The following VSTM1 variants were observed in gnomAD, a reference collection of about 807,000 sequenced individuals.
VSTM1 encodes V-set and transmembrane domain-containing protein 1.
In VSTM1, 27 loss-of-function variants were observed where a neutral mutation model predicts 33.1. The observed-to-expected ratio is 0.82, with a 90% CI of 0.60 to 1.12. The LOEUF is 1.12. VSTM1 is among the 50% of genes most tolerant of loss of function. VSTM1 has a pLI of 0.00. For synonymous variants in VSTM1, 115 were observed against 110.3 expected, an observed-to-expected ratio of 1.04 and a Z score of -0.27; for missense variants, 304 against 288.9, an observed-to-expected ratio of 1.05 and a Z score of -0.38.
At chr19:54,051,345 T>G (rs2070832656) in intron 4 of VSTM1, 65 bp downstream of exon 4, 1 of 1,369,428 alleles carries the variant, frequency 7.3e-7, no homozygotes, top group Non-Finnish European at 1.0e-6. Flanking sequence ...CCTTGTGCAC[T>G]TTAAGCAAAG....
At chr19:54,062,439 A>G (rs1227022032) in intron 1 of VSTM1, among the ~76,000 whole-genome samples, 1 of 151,904 alleles carries the variant, frequency 6.6e-6, no homozygotes, top group African/African-American at 2.4e-5. Flanking sequence ...TAAGGCACAA[A>G]TAGCCGGGTG....
At chr19:54,042,833 TATATAC>T (rs1163537920) in intron 4 of VSTM1, among the ~76,000 whole-genome samples, 51 of 75,038 alleles carry the variant, frequency 6.8e-4, no homozygotes, top group African/African-American at 2.5e-3. Context: ...TATATATATA[TATATAC>T]ATATATATAT....
chr19:54,061,158 C>T (rs1387724930), intron 1 of VSTM1, among the ~76,000 whole-genome samples: 1 of 151,634 alleles, frequency 6.6e-6, no homozygotes, highest in African/African-American at 2.4e-5. Flanking sequence ...GCTGGGATTA[C>T]AGGTCCTTGC....
chr19:54,050,201 G>A (rs775737735), intron 4 of VSTM1, among the ~76,000 whole-genome samples: 7 of 151,612 alleles, frequency 4.6e-5, no homozygotes, highest in South Asian at 2.1e-4. Flanking sequence ...GTTTCACCAT[G>A]TTGCCCAGGC....
rs1307779816 is a variant in VSTM1 at position 54,059,201 on chromosome 19, C to T, written c.35-469G>A. ...TCAGCCTCCCGAGTAGCTGGGACTACAGGCACCCGCCACCACACCTGGCTA... is the reference window on the plus strand; with the variant it reads ...TCAGCCTCCCGAGTAGCTGGGACTATAGGCACCCGCCACCACACCTGGCTA... On this transcript the variant is annotated intron_variant, in intron 1 of 8. Transcript: ENST00000338372. Among the ~76,000 whole-genome samples the T allele has an allele frequency of 2.0e-5, 3 of 151,652 alleles. No individual in the cohort carries two copies. The Admixed American group carries it at 2.0e-4, about 10-fold the overall frequency.
intron 3 of VSTM1, among the ~76,000 whole-genome samples, chr19:54,055,111 A>G (rs192154273): frequency 1.4e-5 from 2 of 139,584 alleles, no homozygotes; most frequent in African/African-American, 5.3e-5. Context: ...TCCCACGTGC[A>G]TCTTCTCACT....
chr19:54,058,844 A>AG, intron 1 of VSTM1, 112 bp from the exon 2 acceptor site: 1 of 383,224 alleles, frequency 2.6e-6, no homozygotes, highest in Non-Finnish European at 4.4e-6. Context: ...TATATATATA[A>AG]TGTATATATG....
chr19:54,048,290 A>AT (rs1325403219), intron 4 of VSTM1: 4 of 317,714 alleles, frequency 1.3e-5, no homozygotes, highest in South Asian at 2.3e-5. Flanking sequence ...TAATTTTTGT[A>AT]TTTTTTGTAG....
intron 4 of VSTM1, chr19:54,048,354 G>T: frequency 2.5e-6 from 1 of 395,606 alleles, no homozygotes; most frequent in Non-Finnish European, 5.1e-6. Flanking sequence ...GGGCTCAAGT[G>T]ATCCTCCTGC....
intron 4 of VSTM1, among the ~76,000 whole-genome samples, chr19:54,049,584 C>G (rs755710223): frequency 2.0e-5 from 3 of 152,182 alleles, no homozygotes; most frequent in African/African-American, 4.8e-5. Context: ...CCTCCTCCCC[C>G]TCACACCTCA....
In VSTM1 at chr19:54,063,797, C is replaced by T. The variant is rs1385903594; in HGVS notation, c.-20G>A. 2.8e-5 allele frequency: 45 copies of T among 1,613,460 alleles called. No homozygotes were observed. Among genetic ancestry groups the T allele is most frequent in the Non-Finnish European group, 3.6e-5 (42 of 1,179,818 alleles). ...GGTCATAGCGTCCCTTCTGCCAGAA[C>T]CAAGGCCCCGCCTTGGGTTTTACCC... On this transcript the variant is annotated 5_prime_UTR_variant, in exon 1 of 9. Coordinates refer to ENST00000338372, the MANE Select transcript of VSTM1 (RefSeq NM_198481.4).
chr19:54,043,464 T>C (rs2070420492), intron 4 of VSTM1, among the ~76,000 whole-genome samples: 1 of 151,782 alleles, frequency 6.6e-6, no homozygotes, highest in Non-Finnish European at 1.5e-5. Flanking sequence ...CAGGCTGGAG[T>C]GCAATAGTGC....
At chr19:54,061,756 G>A (rs1172802618) in intron 1 of VSTM1, among the ~76,000 whole-genome samples, 1 of 152,116 alleles carries the variant, frequency 6.6e-6, no homozygotes. Context: ...TGAGGCTGCA[G>A]TGAGCTATGG....
rs990209651 is a variant in VSTM1 at position 54,054,816 on chromosome 19, G to T, written c.356-3368C>A. ...GGGTGGGTGGACAGATGAATGGAAG[G>T]GTTGGTGGTTGGATGGATTAATGGA... is the stretch of plus-strand genomic sequence containing the variant. On this transcript the variant is annotated intron_variant, in intron 3 of 8. Transcript: ENST00000338372. Among the ~76,000 whole-genome samples, 5 of 133,834 alleles carry T rather than the reference G, an allele frequency of 3.7e-5. 1 individual carries two copies. The highest frequency in any genetic ancestry group is 5.5e-5 in the African/African-American group (2 of 36,458). The allele number at this position is 133,834 out of a possible 152,430, so 87.8% of individuals were successfully genotyped here. A position where few individuals can be genotyped will look rare whatever the true frequency, so the allele number is the denominator to read the frequency against.
chr19:54,054,855 GGATGGATGGATGGA>G (rs2071013892), intron 3 of VSTM1, among the ~76,000 whole-genome samples: 1 of 42,628 alleles, frequency 2.3e-5, no homozygotes, highest in Non-Finnish European at 9.5e-5. Flanking sequence ...ATGAATGGAT[GGATGGATGGATGGA>G]TGGATGGATG....
chr19:54,059,930 C>T (rs1357317427), intron 1 of VSTM1, among the ~76,000 whole-genome samples: 2 of 151,624 alleles, frequency 1.3e-5, no homozygotes, highest in Non-Finnish European at 2.9e-5. Flanking sequence ...TCACCGCAAG[C>T]TCTGCCTCCC....
chr19:54,055,537 G>A (rs2071046072), intron 3 of VSTM1: 1 of 142,978 alleles, frequency 7.0e-6, no homozygotes, highest in African/African-American at 2.6e-5. Flanking sequence ...TGTTGCTGGG[G>A]AAGGAGGCCA....
At chr19:54,044,216 G>T (rs1411849223) in intron 4 of VSTM1, among the ~76,000 whole-genome samples, 2 of 152,190 alleles carry the variant, frequency 1.3e-5, no homozygotes, top group African/African-American at 2.4e-5. Context: ...TCAGCTGGGA[G>T]AATTCAGGGA....
At position 54,058,313 on chromosome 19, in the gene VSTM1, C is replaced by G; in HGVS notation, c.348G>C (p.Val116=). 1 of 1,613,834 alleles carries G rather than the reference C, an allele frequency of 6.2e-7. No individual in the cohort carries two copies. The highest frequency in any genetic ancestry group is 8.5e-7 in the Non-Finnish European group (1 of 1,179,910). Residue 116 remains valine (V), a synonymous_variant, in exon 3 of 9, where the codon GTG becomes GTC. Transcript: ENST00000338372. ...WSESSEHLQL[V]VTDKHDELEA... ...TACATCTGCCCTTCTCACCTGTGAC[C>G]ACCAGCTGCAAGTGTTCACTGCTTT... is the stretch of plus-strand genomic sequence containing the variant.
Sources: gnomAD v4.1 joint callset for allele counts (sites outside exome capture counted in the v4.1 genomes callset) on GRCh38, gnomAD v4.1.1 for gene constraint, MANE v1.5 for transcripts, NCBI Gene and HGNC (gene_info 2026-07-23, HGNC 2026-07-21) for gene names.